DOCK4: variants seen among roughly 807,000 people sequenced by gnomAD.
DOCK4 encodes the protein dedicator of cytokinesis 4.
In DOCK4, 97 loss-of-function variants were observed where a neutral mutation model predicts 268.1. That is an observed-to-expected ratio of 0.36 (90% CI 0.31 to 0.43). The LOEUF is 0.43. DOCK4 is among the 20% of genes least tolerant of loss of function. The probability of loss-of-function intolerance (pLI) is 1.00; values close to 1 mark genes in which losing one functional copy is unlikely to be tolerated. For synonymous variants in DOCK4, 954 were observed against 887.2 expected, an observed-to-expected ratio of 1.08 and a Z score of -1.34; for missense variants, 2,145 against 2,455.7, an observed-to-expected ratio of 0.87 and a Z score of 2.67.
intron 23 of DOCK4, among the ~76,000 whole-genome samples, chr7:111,852,861 C>T (rs976372891): frequency 6.6e-6 from 1 of 152,180 alleles, no homozygotes; most frequent in African/African-American, 2.4e-5. Flanking sequence ...AAGAAAACAA[C>T]CAGGCCCATC....
chr7:111,828,334 C>T (rs1802559119), intron 26 of DOCK4, among the ~76,000 whole-genome samples: 1 of 152,110 alleles, frequency 6.6e-6, no homozygotes, highest in Non-Finnish European at 1.5e-5. Context: ...GCACACTGCT[C>T]AGGAAGCCAG....
Position 112,206,204 on chromosome 7 carries a change from T to C in DOCK4, c.-66A>G, listed in dbSNP as rs1821395097. 4 of 1,502,818 alleles carry C rather than the reference T, an allele frequency of 2.7e-6. No individual in the cohort carries two copies. The highest frequency in any genetic ancestry group is 2.5e-5 in the East Asian group (1 of 40,610). The allele number at this position is 1,502,818 out of a possible 1,614,324, so 93.1% of individuals were successfully genotyped here. A position where few individuals can be genotyped will look rare whatever the true frequency, so the allele number is the denominator to read the frequency against. ...GCGCCCCTTCTCCGGCTCACAACAA[T>C]GCACAGTCCCCGAGCAGCGCTGCAG... On this transcript the variant is annotated 5_prime_UTR_variant, in exon 1 of 53. Transcript: ENST00000428084.
chr7:112,122,772 C>G (rs1171970761), intron 1 of DOCK4, among the ~76,000 whole-genome samples: 1 of 152,052 alleles, frequency 6.6e-6, no homozygotes, highest in Non-Finnish European at 1.5e-5. Context: ...TTTTTGTCTG[C>G]TTTAATTAAT....
chr7:111,840,785 A>G (rs1280724309), intron 25 of DOCK4: 1 of 1,316,028 alleles, frequency 7.6e-7, no homozygotes, highest in Non-Finnish European at 9.9e-7. Flanking sequence ...TGTCATGGGC[A>G]CTTTTCCATA....
intron 13 of DOCK4, among the ~76,000 whole-genome samples, chr7:111,909,458 TAA>T (rs1791906345): frequency 6.6e-6 from 1 of 152,230 alleles, no homozygotes; most frequent in Non-Finnish European, 1.5e-5. Flanking sequence ...ATTTGAACTA[TAA>T]AGACACATGC....
intron 1 of DOCK4, among the ~76,000 whole-genome samples, chr7:112,109,165 G>A (rs1221584901): frequency 6.6e-6 from 1 of 152,186 alleles, no homozygotes; most frequent in African/African-American, 2.4e-5. Flanking sequence ...ATGGCCAGGG[G>A]CTGGGGTTTC....
chr7:112,066,221 C>T (rs6958532), intron 1 of DOCK4, among the ~76,000 whole-genome samples: 38,942 of 151,924 alleles, frequency 0.26, 10,302 homozygotes, highest in African/African-American at 0.66. Flanking sequence ...AGGGTCCAAA[C>T]AGAACAAAAG....
intron 7 of DOCK4, among the ~76,000 whole-genome samples, chr7:111,981,069 CT>C (rs1380525357): frequency 6.6e-6 from 1 of 152,158 alleles, no homozygotes; most frequent in East Asian, 1.9e-4. Context: ...TAAAGTGAGA[CT>C]TTTTTTCTAA....
intron 44 of DOCK4, among the ~76,000 whole-genome samples, chr7:111,745,506 C>T (rs1487856997): frequency 1.3e-5 from 2 of 151,466 alleles, no homozygotes; most frequent in African/African-American, 2.4e-5. Context: ...CACAGTGAAA[C>T]CCCGTCTCTA....
intron 1 of DOCK4, among the ~76,000 whole-genome samples, chr7:112,113,200 CT>C (rs1322024795): frequency 1.3e-5 from 2 of 152,204 alleles, no homozygotes; most frequent in African/African-American, 4.8e-5. Context: ...CCAAAGAGAT[CT>C]GTTCGTGAGT....
chr7:111,863,129 T>G (rs537525030), intron 23 of DOCK4: 2 of 488,124 alleles, frequency 4.1e-6, no homozygotes, highest in South Asian at 4.2e-5. Flanking sequence ...TGAAGGAGTG[T>G]TAAATCCCAT....
At chr7:112,064,796 C>T (rs1806769127) in intron 1 of DOCK4, among the ~76,000 whole-genome samples, 1 of 152,100 alleles carries the variant, frequency 6.6e-6, no homozygotes, top group South Asian at 2.1e-4. Flanking sequence ...TTAAGGTGGG[C>T]CATGATGCAA....
intron 37 of DOCK4, among the ~76,000 whole-genome samples, chr7:111,767,505 A>G (rs1040600173): frequency 5.3e-5 from 8 of 152,084 alleles, no homozygotes; most frequent in African/African-American, 1.9e-4. Flanking sequence ...GGTTACAGGC[A>G]TGAGCCACCG....
chr7:111,744,348 T>C (rs1053286239), intron 44 of DOCK4, among the ~76,000 whole-genome samples: 5 of 152,150 alleles, frequency 3.3e-5, no homozygotes, highest in Admixed American at 3.3e-4. Context: ...TCTGAACTAC[T>C]TTGCAGAGGT....
At chr7:111,766,201 T>G (rs1255373878) in intron 38 of DOCK4, among the ~76,000 whole-genome samples, 1 of 152,222 alleles carries the variant, frequency 6.6e-6, no homozygotes, top group East Asian at 1.9e-4. Context: ...TGACATGAAA[T>G]ACTGTGCCAA....
chr7:112,162,685 T>A (rs1241635145), intron 1 of DOCK4, among the ~76,000 whole-genome samples: 6 of 152,144 alleles, frequency 3.9e-5, no homozygotes, highest in African/African-American at 1.4e-4. Flanking sequence ...AGGGTTTTTA[T>A]CACTTTCAAC....
intron 40 of DOCK4, 127 bp from the exon 41 acceptor site, chr7:111,758,917 T>TA (rs1797210354): frequency 1.2e-5 from 10 of 859,302 alleles, no homozygotes; most frequent in Non-Finnish European, 1.6e-5. Flanking sequence ...TTGAAGTCAT[T>TA]AAAAAAATTA....
intron 26 of DOCK4, among the ~76,000 whole-genome samples, chr7:111,833,835 A>G (rs577271317): frequency 1.3e-5 from 2 of 152,340 alleles, no homozygotes; most frequent in South Asian, 4.1e-4. Context: ...GCAGAACTGT[A>G]CTTTTGGTCC....
intron 23 of DOCK4, among the ~76,000 whole-genome samples, chr7:111,859,378 C>A (rs1236415659): frequency 6.6e-6 from 1 of 152,010 alleles, no homozygotes; most frequent in Non-Finnish European, 1.5e-5. Flanking sequence ...AGTCTTATTT[C>A]CATATTTTGG....
Sources: gnomAD v4.1 joint callset for allele counts (sites outside exome capture counted in the v4.1 genomes callset) on GRCh38, gnomAD v4.1.1 for gene constraint, MANE v1.5 for transcripts, NCBI Gene and HGNC (gene_info 2026-07-23, HGNC 2026-07-21) for gene names.